The following B4GALT1 variants were observed in gnomAD, a reference collection of about 807,000 sequenced individuals.
B4GALT1 encodes N-acetyllactosamine synthase.
In B4GALT1, 16 loss-of-function variants were observed where a neutral mutation model predicts 34.9. The observed-to-expected ratio is 0.46, with a 90% CI of 0.31 to 0.70. The LOEUF is 0.70. Ranked by LOEUF, B4GALT1 falls within the 30% of genes least tolerant of loss-of-function variation. B4GALT1 has a pLI of 0.05. For synonymous variants in B4GALT1, 221 were observed against 218.1 expected, an observed-to-expected ratio of 1.01 and a Z score of -0.12; for missense variants, 445 against 530.5, an observed-to-expected ratio of 0.84 and a Z score of 1.58.
upstream of B4GALT1, among the ~76,000 whole-genome samples, chr9:33,167,764 G>A (rs535013290): frequency 2.6e-4 from 39 of 152,366 alleles, no homozygotes; most frequent in African/African-American, 9.4e-4. Flanking sequence ...TGGGGCCGCG[G>A]CGGCGTTCTG....
rs3780483 is a variant in B4GALT1, at chr9:33,160,119, A to G, written c.412+6639T>C. 2.5e-3 allele frequency among the ~76,000 whole-genome samples: 383 copies of G among 152,380 alleles called. 15 individuals carry two copies. The East Asian group carries it at 0.071, about 28-fold the overall frequency. ...CAAATCTGGAATTTCCAATGAGTCT[A>G]TCCTTTTGTAAGACTGGCTTGAAAA... On this transcript the variant is annotated intron_variant, in intron 1 of 5. Coordinates refer to ENST00000379731, the MANE Select transcript of B4GALT1 (RefSeq NM_001497.4).
At chr9:33,118,571 G>A (rs997293364) in intron 3 of B4GALT1, among the ~76,000 whole-genome samples, 1 of 151,814 alleles carries the variant, frequency 6.6e-6, no homozygotes, top group Non-Finnish European at 1.5e-5. Context: ...TAGGAAAGCC[G>A]AGGTGAGAGG....
At chr9:33,134,157 T>G (rs1840232746) in intron 2 of B4GALT1, among the ~76,000 whole-genome samples, 1 of 152,130 alleles carries the variant, frequency 6.6e-6, no homozygotes, top group South Asian at 2.1e-4. Context: ...CTGCAGCAAG[T>G]GATGCAGCAC....
Position 33,166,746 on chromosome 9 carries a change from C to T in B4GALT1, c.412+12G>A. On this transcript the variant is annotated intron_variant, in intron 1 of 5. Coordinates refer to ENST00000379731, the MANE Select transcript of B4GALT1 (RefSeq NM_001497.4). ...TCCCAATCCTCCGACTGGCGCCGACCCGAGTCCTTACCAAGCAGCGGGGAC... is the reference window on the plus strand; with the variant it reads ...TCCCAATCCTCCGACTGGCGCCGACTCGAGTCCTTACCAAGCAGCGGGGAC... 6.7e-7 allele frequency: 1 copy of T among 1,500,838 alleles called. No homozygotes were observed. The highest frequency in any genetic ancestry group is 1.3e-5 in the South Asian group (1 of 75,740). 93.0% of individuals were successfully genotyped at this position (1,500,838 alleles called of 1,614,324 possible). A position where few individuals can be genotyped will look rare whatever the true frequency, so the allele number is the denominator to read the frequency against.
At chr9:33,147,065 G>A (rs981937137) in intron 1 of B4GALT1, among the ~76,000 whole-genome samples, 20 of 152,182 alleles carry the variant, frequency 1.3e-4, no homozygotes, top group Non-Finnish European at 2.2e-4. Flanking sequence ...AGGAATTACA[G>A]CCTAGGTTTC....
In B4GALT1 at chr9:33,135,267, G is replaced by A. The variant is rs1278686928; in HGVS notation, c.570C>T (p.His190=). 5 of 1,614,090 alleles carry A rather than the reference G, an allele frequency of 3.1e-6. No individual in the cohort carries two copies. The African/African-American group carries it at 6.7e-5, about 22-fold the overall frequency. The change falls in exon 2 of 6, where the codon CAC becomes CAT. Residue 190 remains histidine, a synonymous_variant. Coordinates refer to ENST00000379731, the MANE Select transcript of B4GALT1 (RefSeq NM_001497.4). ...IIIPFRNRQE[H]LKYWLYYLHP... The stretch of plus-strand genomic sequence containing the variant: ...GCAAATAATATAGCCAGTACTTGAG[G>A]TGCTCCTGCCGGTTGCGGAATGGAA...
intron 1 of B4GALT1, among the ~76,000 whole-genome samples, chr9:33,161,940 A>G (rs1840681080): frequency 6.6e-6 from 1 of 152,184 alleles, no homozygotes; most frequent in African/African-American, 2.4e-5. Flanking sequence ...AGCCCAGCTG[A>G]GTGCAAAGGG....
chr9:33,140,553 T>G (rs896905151), intron 1 of B4GALT1, among the ~76,000 whole-genome samples: 1 of 152,198 alleles, frequency 6.6e-6, no homozygotes, highest in African/African-American at 2.4e-5. Flanking sequence ...GTTTTGAAAA[T>G]TCTCTGGACA....
intron 2 of B4GALT1, among the ~76,000 whole-genome samples, chr9:33,132,101 G>GA (rs896966546): frequency 1.4e-5 from 2 of 142,108 alleles, no homozygotes; most frequent in Non-Finnish European, 3.1e-5. Flanking sequence ...AGGATGAAGA[G>GA]AAAAAAAAGT....
intron 2 of B4GALT1, among the ~76,000 whole-genome samples, chr9:33,126,972 G>GT (rs1554685914): frequency 6.8e-6 from 1 of 146,066 alleles, no homozygotes; most frequent in Non-Finnish European, 1.5e-5. Flanking sequence ...TTGTTTGTTT[G>GT]TTTTTTTAAA....
intron 4 of B4GALT1, 24 bp downstream of exon 4, chr9:33,115,967 A>G: frequency 2.5e-6 from 4 of 1,605,470 alleles, no homozygotes; most frequent in Non-Finnish European, 3.4e-6. Context: ...CAGAGGAGAA[A>G]GATATCTAAG....
chr9:33,184,289 A>ACACACAC, the B4GALT1 span, among the ~76,000 whole-genome samples: 4,752 of 100,666 alleles, frequency 0.047, 109 homozygotes, highest in Non-Finnish European at 0.071. Flanking sequence ...CACACACACA[A>ACACACAC]AAACATAGGA....
intron 2 of B4GALT1, among the ~76,000 whole-genome samples, chr9:33,124,284 C>T (rs1840063019): frequency 6.6e-6 from 1 of 152,210 alleles, no homozygotes. Flanking sequence ...GCACACTCAT[C>T]GGTACCTCTG....
At chr9:33,129,910 T>C (rs1166476864) in intron 2 of B4GALT1, among the ~76,000 whole-genome samples, 3 of 151,996 alleles carry the variant, frequency 2.0e-5, no homozygotes, top group African/African-American at 7.3e-5. Context: ...AGGAAGTGGC[T>C]GGAGGTAGGT....
At chr9:33,126,289 A>G (rs1400493110) in intron 2 of B4GALT1, among the ~76,000 whole-genome samples, 1 of 152,214 alleles carries the variant, frequency 6.6e-6, no homozygotes, top group Non-Finnish European at 1.5e-5. Context: ...TATAGGCCTA[A>G]GTGTGGATCC....
chr9:33,129,606 C>T (rs1273459169), intron 2 of B4GALT1, among the ~76,000 whole-genome samples: 2 of 152,146 alleles, frequency 1.3e-5, no homozygotes, highest in Non-Finnish European at 2.9e-5. Flanking sequence ...GCTGTGTGGT[C>T]AGAGAGAAAG....
chr9:33,184,613 G>A, the B4GALT1 span, among the ~76,000 whole-genome samples: 1 of 152,160 alleles, frequency 6.6e-6, no homozygotes, highest in African/African-American at 2.4e-5. Flanking sequence ...ATCACCTGGG[G>A]AGCTGTTAAA....
chr9:33,128,735 G>A (rs1284673101), intron 2 of B4GALT1, among the ~76,000 whole-genome samples: 6 of 152,184 alleles, frequency 3.9e-5, no homozygotes, highest in Non-Finnish European at 7.4e-5. Flanking sequence ...GGCCGGGATG[G>A]GGGGATGGTA....
intron 1 of B4GALT1, among the ~76,000 whole-genome samples, chr9:33,161,126 C>A (rs573276062): frequency 6.6e-6 from 1 of 152,178 alleles, no homozygotes; most frequent in South Asian, 2.1e-4. Flanking sequence ...CACACCCAGA[C>A]CAGACTTTAA....
Sources: gnomAD v4.1 joint callset for allele counts (sites outside exome capture counted in the v4.1 genomes callset) on GRCh38, gnomAD v4.1.1 for gene constraint, MANE v1.5 for transcripts, NCBI Gene and HGNC (gene_info 2026-07-23, HGNC 2026-07-21) for gene names.